The following MBD5 variants were observed in gnomAD, a reference collection of about 807,000 sequenced individuals.
The protein encoded by MBD5 is methyl-CpG-binding domain protein 5.
A neutral mutation model predicts 117.3 loss-of-function variants in MBD5; 13 were observed. The ratio of observed to expected loss-of-function variants is 0.11; its 90% CI spans 0.07 to 0.18. The LOEUF is 0.18. MBD5 is among the 10% of genes least tolerant of loss of function. The pLI is 1.00. For synonymous variants in MBD5, 727 were observed against 766.4 expected (o/e 0.95, Z 0.85); for missense variants, 1,879 against 2,093.8 (o/e 0.90, Z 2.00).
intron 4 of MBD5, among the ~76,000 whole-genome samples, chr2:148,365,685 T>C (rs529980755): frequency 6.6e-6 from 1 of 152,182 alleles, no homozygotes; most frequent in South Asian, 2.1e-4. Flanking sequence ...TGCTATCAGA[T>C]AATACTATAA....
At chr2:148,310,503 T>A (rs1472636584) in intron 3 of MBD5, among the ~76,000 whole-genome samples, 2 of 152,146 alleles carry the variant, frequency 1.3e-5, no homozygotes, top group Admixed American at 1.3e-4. Flanking sequence ...CCCATTATCA[T>A]TTTTTATTGT....
At chr2:148,052,134 C>CT (rs1366974739) in intron 1 of MBD5, among the ~76,000 whole-genome samples, 1 of 142,158 alleles carries the variant, frequency 7.0e-6, no homozygotes, top group Non-Finnish European at 1.6e-5. Flanking sequence ...TTATTTTTCT[C>CT]TTTTGTTCTA....
At chr2:148,328,570 A>G (rs1306421299) in intron 3 of MBD5, among the ~76,000 whole-genome samples, 1 of 152,224 alleles carries the variant, frequency 6.6e-6, no homozygotes, top group African/African-American at 2.4e-5. Context: ...CCCATCGGAA[A>G]AGCGCAGTAT....
At position 148,202,303 on chromosome 2, in the gene MBD5, TAA is replaced by T. The variant is rs549698176; in HGVS notation, c.-831+23512_-831+23513del. Among the ~76,000 whole-genome samples the T allele has an allele frequency of 5.2e-4, 79 of 152,278 alleles. 2 individuals are homozygous for T. In the South Asian group the frequency reaches 0.016, roughly 31 times the overall value. On this transcript the variant is annotated intron_variant, in intron 2 of 13. Coordinates refer to ENST00000642680, the MANE Select transcript of MBD5 (RefSeq NM_001378120.1). ...TTTGGAATTGGAAGTCCTATTTTGA[TAA>T]AGTGGTCAGGGAGGCCTTCCCTGAG...
chr2:148,391,646 T>C (rs575222658), intron 4 of MBD5, among the ~76,000 whole-genome samples: 2 of 152,304 alleles, frequency 1.3e-5, no homozygotes, highest in Non-Finnish European at 2.9e-5. Context: ...ATCTTCCTGA[T>C]TTTAGAAAGC....
chr2:148,447,773 C>A (rs1446861762), intron 4 of MBD5: 2 of 152,112 alleles, frequency 1.3e-5, no homozygotes, highest in African/African-American at 2.4e-5. Context: ...TATGTGAAAT[C>A]TTTTGATTTA....
intron 2 of MBD5, among the ~76,000 whole-genome samples, chr2:148,230,535 T>C (rs942319747): frequency 6.6e-6 from 1 of 152,156 alleles, no homozygotes; most frequent in Non-Finnish European, 1.5e-5. Flanking sequence ...CTTGGTGCTC[T>C]GACCCCTGTG....
chr2:148,042,062 G>T (rs1465815435), intron 1 of MBD5, among the ~76,000 whole-genome samples: 1 of 152,130 alleles, frequency 6.6e-6, no homozygotes, highest in Non-Finnish European at 1.5e-5. Flanking sequence ...ACTTTTAATT[G>T]TGAAGAAAAC....
chr2:148,414,452 A>C (rs562164139), intron 4 of MBD5, among the ~76,000 whole-genome samples: 1 of 152,238 alleles, frequency 6.6e-6, no homozygotes, highest in African/African-American at 2.4e-5. Context: ...TTTTCAGTGG[A>C]GAGTTCTGTA....
intron 1 of MBD5, among the ~76,000 whole-genome samples, chr2:148,104,456 A>T (rs564922338): frequency 6.6e-6 from 1 of 152,306 alleles, no homozygotes; most frequent in East Asian, 1.9e-4. Flanking sequence ...CCCAACCTGC[A>T]ATATTATTTT....
chr2:148,185,512 A>G (rs1698632925), intron 2 of MBD5, among the ~76,000 whole-genome samples: 2 of 152,200 alleles, frequency 1.3e-5, no homozygotes. Context: ...TGATATTGGA[A>G]AACAGTTTAA....
intron 1 of MBD5, among the ~76,000 whole-genome samples, chr2:148,103,657 A>C (rs1389105179): frequency 1.3e-5 from 2 of 152,130 alleles, no homozygotes; most frequent in Non-Finnish European, 2.9e-5. Flanking sequence ...ATCCCATCAT[A>C]GATCCCCTGG....
intron 4 of MBD5, among the ~76,000 whole-genome samples, chr2:148,343,776 A>G (rs1703013287): frequency 6.6e-6 from 1 of 151,908 alleles, no homozygotes; most frequent in South Asian, 2.1e-4. Context: ...TACTTTGTTG[A>G]TAATTTCTTT....
rs751595371 is a variant in MBD5, at chr2:148,463,892, G to C, written c.370G>C (p.Val124Leu). 11 of 1,613,478 alleles carry C rather than the reference G, an allele frequency of 6.8e-6. No individual in the cohort carries two copies. The African/African-American group carries it at 1.3e-4, about 20-fold the overall frequency. Reference sequence around the variant, plus strand: ...CATGGAAGCCCCACATCCTTCTCTGGTGCTCACCAGTCCCGGAGGAGGAAC... The same window carrying C: ...CATGGAAGCCCCACATCCTTCTCTGCTGCTCACCAGTCCCGGAGGAGGAAC... ...KSMEAPHPSL[V>L]LTSPGGGTNA... The change falls in exon 7 of 14, where the codon GTG becomes CTG. Residue 124 changes from valine (V) to leucine (L), a missense_variant. By Grantham distance (32) the Val-to-Leu change is conservative. Transcript: ENST00000642680.
chr2:148,138,923 A>G (rs1574054791), intron 1 of MBD5, among the ~76,000 whole-genome samples: 3 of 152,326 alleles, frequency 2.0e-5, no homozygotes, highest in African/African-American at 7.2e-5. Flanking sequence ...CAGTTCAAAT[A>G]TATTTCTTCT....
At chr2:148,219,700 G>A (rs1342471448) in intron 2 of MBD5, among the ~76,000 whole-genome samples, 1 of 152,084 alleles carries the variant, frequency 6.6e-6, no homozygotes, top group Non-Finnish European at 1.5e-5. Flanking sequence ...TTTGGCAAAG[G>A]TGTCACTAAG....
intron 2 of MBD5, among the ~76,000 whole-genome samples, chr2:148,209,828 A>G (rs1489125014): frequency 6.6e-6 from 1 of 152,030 alleles, no homozygotes; most frequent in Non-Finnish European, 1.5e-5. Flanking sequence ...ACCATATTTC[A>G]CATGAACTCA....
At chr2:148,032,492 G>A (rs1459540000) in intron 1 of MBD5, among the ~76,000 whole-genome samples, 1 of 152,042 alleles carries the variant, frequency 6.6e-6, no homozygotes, top group Non-Finnish European at 1.5e-5. Context: ...AGAAGGAATA[G>A]CATATACAGA....
chr2:148,130,054 A>T (rs570928249), intron 1 of MBD5, among the ~76,000 whole-genome samples: 2 of 152,286 alleles, frequency 1.3e-5, no homozygotes, highest in South Asian at 4.1e-4. Flanking sequence ...CATTTAGCTG[A>T]CCTCTGTAGG....
Sources: gnomAD v4.1 joint callset for allele counts (sites outside exome capture counted in the v4.1 genomes callset) on GRCh38, gnomAD v4.1.1 for gene constraint, MANE v1.5 for transcripts, NCBI Gene and HGNC (gene_info 2026-07-23, HGNC 2026-07-21) for gene names.